Variants in JAKMIP3 observed in about 807,000 individuals in gnomAD.
JAKMIP3 encodes the protein janus kinase and microtubule-interacting protein 3.
Under a neutral mutation model 118.5 loss-of-function variants are expected in JAKMIP3, and 58 were observed. That is an observed-to-expected ratio of 0.49 (90% CI 0.40 to 0.61). The LOEUF (loss-of-function observed/expected upper bound fraction) is 0.61. Among genes scored for constraint, JAKMIP3 ranks in the 20% least tolerant of loss-of-function variants. The pLI, the probability that JAKMIP3 is intolerant of heterozygous loss-of-function variation, is 0.00. For missense variants in JAKMIP3, 950 were observed against 1,109.0 expected (o/e 0.86, Z 2.04); for synonymous variants, 486 against 451.2 (o/e 1.08, Z -0.98).
At position 132,138,694 on chromosome 10, in the gene JAKMIP3, C is replaced by G. The variant is rs2052445165; in HGVS notation, c.1344+516C>G. 2.0e-5 allele frequency among the ~76,000 whole-genome samples: 3 copies of G among 152,206 alleles called. No homozygotes were observed. The South Asian group carries it at 6.2e-4, about 32-fold the overall frequency. Reference sequence around the variant, plus strand: ...GTAACAACCATACCAGCAACACTAGCAATGAAGAGGTGCCGGCTCTGGTGT... The same window carrying G: ...GTAACAACCATACCAGCAACACTAGGAATGAAGAGGTGCCGGCTCTGGTGT... On this transcript the variant is annotated intron_variant, in intron 9 of 23. Coordinates refer to ENST00000684848, the MANE Select transcript of JAKMIP3 (RefSeq NM_001323087.2).
intron 23 of JAKMIP3, among the ~76,000 whole-genome samples, chr10:132,180,618 T>C (rs1418946697): frequency 0.021 from 506 of 24,176 alleles, 99 homozygotes; most frequent in African/African-American, 0.08. Context: ...TGTGTGTGCG[T>C]GTGTGTGCGT....
intron 21 of JAKMIP3, 66 bp downstream of exon 21, chr10:132,164,801 G>A (rs1192451731): frequency 9.1e-6 from 10 of 1,097,760 alleles, no homozygotes; most frequent in South Asian, 1.3e-5. Context: ...GTGTCACCCC[G>A]ACCTGAGTCA....
intron 1 of JAKMIP3, among the ~76,000 whole-genome samples, chr10:132,073,118 T>A (rs917657224): frequency 3.3e-5 from 5 of 152,232 alleles, no homozygotes; most frequent in African/African-American, 1.2e-4. Context: ...TTCCATGTTG[T>A]GTGTGTGTAT....
chr10:132,184,186 G>A lies in JAKMIP3; in HGVS notation c.*2933G>A, dbSNP rs2061681162. On this transcript the variant is annotated 3_prime_UTR_variant, in exon 24 of 24. Coordinates refer to ENST00000684848, the MANE Select transcript of JAKMIP3 (RefSeq NM_001323087.2). ...AGCAGATTCCTTTGTTGACACCAGT[G>A]TGTTGTTTACCTTGTGCCCATGGTC... 1 of 152,236 alleles carries A rather than the reference G, an allele frequency of 6.6e-6. No individual in the cohort carries two copies. The highest frequency in any genetic ancestry group is 1.5e-5 in the Non-Finnish European group (1 of 68,040). The allele number at this position is 152,236 out of a possible 1,614,324, so 9.4% of individuals were successfully genotyped here.
At chr10:132,167,802 TCCTCACC>T (rs142409814) in intron 22 of JAKMIP3, among the ~76,000 whole-genome samples, 144 bp from the exon 23 acceptor site, 3,190 of 148,328 alleles carry the variant, frequency 0.022, 109 homozygotes, top group African/African-American at 0.074. Context: ...AGCCCTTCGG[TCCTCACC>T]CCTCACCCCT....
chr10:132,168,583 A>G lies in JAKMIP3; in HGVS notation c.*653A>G. On this transcript the variant is annotated 3_prime_UTR_variant, in exon 23 of 24. Coordinates refer to ENST00000684848, the MANE Select transcript of JAKMIP3 (RefSeq NM_001323087.2). ...TTCATCATCATCTCTGTGGGGACAG[A>G]CAAGAGCCGTGGCCGCCGCGGGCCG... 2.7e-6 allele frequency: 1 copy of G among 375,244 alleles called. No homozygotes were observed. The highest frequency in any genetic ancestry group is 7.8e-5 in the East Asian group (1 of 12,792). 23.2% of individuals were successfully genotyped at this position (375,244 alleles called of 1,614,324 possible).
Position 132,149,542 on chromosome 10 carries a change from C to T in JAKMIP3, c.1947+32C>T, listed in dbSNP as rs756254450. 9.0e-6 allele frequency: 10 copies of T among 1,117,128 alleles called. No homozygotes were observed. In the Admixed American group the frequency reaches 2.3e-4, roughly 25 times the overall value. The allele number at this position is 1,117,128 out of a possible 1,614,324, so 69.2% of individuals were successfully genotyped here. A position where few individuals can be genotyped will look rare whatever the true frequency, so the allele number is the denominator to read the frequency against. On this transcript the variant is annotated intron_variant, in intron 15 of 23. Coordinates refer to ENST00000684848, the MANE Select transcript of JAKMIP3 (RefSeq NM_001323087.2). ...CCCGCCCCTCCTGCCCACTCCGCCC[C>T]CACCTCACCCATCCCCCGCCCCACC...
At chr10:132,062,626 C>T (rs1346465279), upstream of JAKMIP3, among the ~76,000 whole-genome samples, 1 of 152,198 alleles carries the variant, frequency 6.6e-6, no homozygotes, top group African/African-American at 2.4e-5. Context: ...GAGTATGATG[C>T]CAATTATGCT....
chr10:132,123,035 C>A (rs1226548874), intron 3 of JAKMIP3, among the ~76,000 whole-genome samples: 1 of 152,234 alleles, frequency 6.6e-6, no homozygotes, highest in Non-Finnish European at 1.5e-5. Context: ...GGAGCCAAAT[C>A]CTCGTCTGCG....
chr10:132,153,918 G>T lies in JAKMIP3; in HGVS notation c.2148G>T (p.Leu716=). 2 of 1,613,154 alleles carry T rather than the reference G, an allele frequency of 1.2e-6. No homozygotes were observed. Among genetic ancestry groups the T allele is most frequent in the South Asian group, 1.1e-5 (1 of 91,084 alleles). The change falls in exon 19 of 24, where the codon CTG becomes CTT. Residue 716 remains leucine (L), a synonymous_variant. Transcript: ENST00000684848. ...KMVDLESEKE[L]FSKQKGYLDE... ...ATGGCCCTCCTGTGTTTCAGGAGCT[G>T]TTCAGTAAGCAGAAGGGCTACCTGG...
intron 13 of JAKMIP3, 54 bp from the exon 14 acceptor site, chr10:132,147,898 A>G (rs896525155): frequency 7.5e-7 from 1 of 1,327,464 alleles, no homozygotes; most frequent in Non-Finnish European, 1.1e-6. Flanking sequence ...ACCTCCCAAG[A>G]CCTCTGGTGA....
In JAKMIP3 at chr10:132,138,101, T is replaced by C. The variant is rs1225596398; in HGVS notation, c.1285-18T>C. ...GCTGCTCTACCACTTACACAACCTC[T>C]TCAACTGGCTTCCGCAGGAGCGGGA... On this transcript the variant is annotated intron_variant, in intron 8 of 23. Coordinates refer to ENST00000684848, the MANE Select transcript of JAKMIP3 (RefSeq NM_001323087.2). The C allele has an allele frequency of 1.9e-5, 30 of 1,609,504 alleles. No homozygotes were observed. Among genetic ancestry groups the C allele is most frequent in the African/African-American group, 2.7e-5 (2 of 74,878 alleles).
intron 17 of JAKMIP3, 33 bp from the exon 18 acceptor site, chr10:132,153,726 G>A: frequency 1.2e-6 from 2 of 1,609,536 alleles, no homozygotes; most frequent in Non-Finnish European, 1.7e-6. Flanking sequence ...GGACCCTAGG[G>A]GTCACTGTCC....
rs548064579 is a variant in JAKMIP3 at position 132,183,036 on chromosome 10, C to T, written c.*1783C>T. 6.6e-6 allele frequency: 1 copy of T among 152,270 alleles called. No individual in the cohort carries two copies. Among genetic ancestry groups the T allele is most frequent in the South Asian group, 2.1e-4 (1 of 4,824 alleles). The allele number at this position is 152,270 out of a possible 1,614,324, so 9.4% of individuals were successfully genotyped here. ...CAGTGTCTCTAGCTGAGCCTGACCTCGGGGTTTGCGTCTCGAGTCTGAAAT... is the reference window on the plus strand; with the variant it reads ...CAGTGTCTCTAGCTGAGCCTGACCTTGGGGTTTGCGTCTCGAGTCTGAAAT... On this transcript the variant is annotated 3_prime_UTR_variant, in exon 24 of 24. Coordinates refer to ENST00000684848, the MANE Select transcript of JAKMIP3 (RefSeq NM_001323087.2).
chr10:132,166,459 A>T lies in JAKMIP3; in HGVS notation c.2491-524A>T, dbSNP rs1590015689. Among the ~76,000 whole-genome samples, 7 of 152,230 alleles carry T rather than the reference A, an allele frequency of 4.6e-5. No homozygotes were observed. In the South Asian group the frequency reaches 1.5e-3, roughly 32 times the overall value. ...CTCCCGACCCCCAGCCCAGAGTGAG[A>T]CTGTGTGCGCTTTGTCTGCTCAGGG... On this transcript the variant is annotated intron_variant, in intron 21 of 23. Transcript: ENST00000684848.
rs371731561 is a variant in JAKMIP3 at position 132,068,422 on chromosome 10, T to C, written c.-138+2361T>C. The stretch of plus-strand genomic sequence containing the variant: ...TGAATAAGTTCAGGACACTAGCCAC[T>C]GAGATGACTCTTTTTGAAAGAGCCT... On this transcript the variant is annotated intron_variant, in intron 1 of 23. Transcript: ENST00000684848. Among the ~76,000 whole-genome samples the C allele has an allele frequency of 5.9e-5, 9 of 152,350 alleles. No homozygotes were observed. The East Asian group carries it at 1.3e-3, about 23-fold the overall frequency.
At chr10:132,153,593 A>G (rs1480745755) in intron 17 of JAKMIP3, among the ~76,000 whole-genome samples, 166 bp from the exon 18 acceptor site, 1 of 152,122 alleles carries the variant, frequency 6.6e-6, no homozygotes, top group Non-Finnish European at 1.5e-5. Context: ...GGGTGGGGCC[A>G]TGATGCCAGC....
rs1565019276 is a variant in JAKMIP3, at chr10:132,180,616, C to CGCGT, written c.*1104-1740_*1104-1739insCGTG. Among the ~76,000 whole-genome samples the CGCGT allele has an allele frequency of 3.5e-3, 51 of 14,606 alleles. 8 individuals are homozygous for CGCGT. Among genetic ancestry groups the CGCGT allele is most frequent in the African/African-American group, 0.019 (48 of 2,558 alleles). The allele number at this position is 14,606 out of a possible 152,430, so 9.6% of individuals were successfully genotyped here. A position where few individuals can be genotyped will look rare whatever the true frequency, so the allele number is the denominator to read the frequency against. On this transcript the variant is annotated intron_variant, in intron 23 of 23. Transcript: ENST00000684848. ...GTGTGTGCGTGCGCGTGTGTGTGTGCGTGTGTGTGCGTGTGTGCGTGCGTG... is the reference window on the plus strand; with the variant it reads ...GTGTGTGCGTGCGCGTGTGTGTGTGCGCGTGTGTGTGTGCGTGTGTGCGTGCGTG...
chr10:132,128,057 T>C (rs1055604161), intron 3 of JAKMIP3, among the ~76,000 whole-genome samples: 2 of 152,244 alleles, frequency 1.3e-5, no homozygotes, highest in African/African-American at 4.8e-5. Flanking sequence ...GTCTTTTCCC[T>C]TCGGCCTGAA....
Sources: gnomAD v4.1 joint callset for allele counts (sites outside exome capture counted in the v4.1 genomes callset) on GRCh38, gnomAD v4.1.1 for gene constraint, MANE v1.5 for transcripts, NCBI Gene and HGNC (gene_info 2026-07-23, HGNC 2026-07-21) for gene names.